Variants in GPC3 observed in about 807,000 individuals in gnomAD.
GPC3 encodes the protein glypican-3.
GPC3 carries 3 observed loss-of-function variants against 34.4 expected under a neutral mutation model. The observed-to-expected ratio is 0.09, with a 90% CI of 0.04 to 0.23. The LOEUF (loss-of-function observed/expected upper bound fraction) is 0.23. GPC3 is among the 10% of genes least tolerant of loss of function. GPC3 has a pLI of 1.00. For synonymous variants in GPC3, 177 were observed against 174.0 expected (o/e 1.02, Z -0.13); for missense variants, 351 against 445.6 (o/e 0.79, Z 1.91).
At chrX:133,888,951 AT>A (rs370232594) in intron 2 of GPC3, among the ~76,000 whole-genome samples, 19 of 112,314 alleles carry the variant, frequency 1.7e-4, no homozygotes, top group African/African-American at 5.2e-4. Context: ...AATGAACTGA[AT>A]TTGTGTGTAC....
At chrX:133,910,737 G>C (rs550098505) in intron 2 of GPC3, among the ~76,000 whole-genome samples, 4 of 112,270 alleles carry the variant, frequency 3.6e-5, no homozygotes, top group African/African-American at 1.3e-4. Context: ...AATTTATGGG[G>C]AAAGCTAGTT....
In GPC3 at chrX:133,923,131, T is replaced by TACAC. The variant is rs375148219; in HGVS notation, c.337+29915_337+29918dup. 8.2e-3 allele frequency among the ~76,000 whole-genome samples: 880 copies of TACAC among 107,853 alleles called. 14 individuals are homozygous for TACAC. The highest frequency in any genetic ancestry group is 0.028 in the African/African-American group (842 of 29,784). The allele number at this position is 107,853 out of a possible 115,157, so 93.7% of individuals were successfully genotyped here. ...CCCTTTACCAACACATACACGCGTGTACACACACACACACACACACAGCAT... is the reference window on the plus strand; with the variant it reads ...CCCTTTACCAACACATACACGCGTGTACACACACACACACACACACACACAGCAT... On this transcript the variant is annotated intron_variant, in intron 2 of 7. Transcript: ENST00000370818.
chrX:133,826,197 A>AGG (rs1385560446), intron 2 of GPC3, among the ~76,000 whole-genome samples: 1 of 111,960 alleles, frequency 8.9e-6, no homozygotes, highest in Non-Finnish European at 1.9e-5. Flanking sequence ...ACTGTTCCTG[A>AGG]GTATGCACAG....
At chrX:133,966,634 C>T (rs1369366692) in intron 1 of GPC3, among the ~76,000 whole-genome samples, 1 of 112,398 alleles carries the variant, frequency 8.9e-6, no homozygotes, top group African/African-American at 3.2e-5. Flanking sequence ...GTACAACATA[C>T]ACACTGCACC....
chrX:133,753,812 A>T lies in GPC3; in HGVS notation c.702T>A (p.Asn234Lys). The T allele has an allele frequency of 8.3e-7, 1 of 1,211,556 alleles. No homozygotes were observed. The highest frequency in any genetic ancestry group is 1.1e-6 in the Non-Finnish European group (1 of 895,215). ...QVTRIFLQAL[N>K]LGIEVINTTD... Reference sequence around the variant, plus strand: ...TTGTGTTGATCACTTCAATTCCAAGATTCAGAGCCTGAAGGAAGATCCTAG... The same window carrying T: ...TTGTGTTGATCACTTCAATTCCAAGTTTCAGAGCCTGAAGGAAGATCCTAG... Residue 234 changes from asparagine (N) to lysine (K), a missense_variant, in exon 3 of 8, where the codon AAT becomes AAA. Asn to Lys is a moderately conservative substitution (Grantham distance 94). Transcript: ENST00000370818.
intron 2 of GPC3, among the ~76,000 whole-genome samples, chrX:133,869,411 C>G (rs1276093724): frequency 8.9e-6 from 1 of 111,910 alleles, no homozygotes; most frequent in Non-Finnish European, 1.9e-5. Context: ...CACCCAGAAT[C>G]TAGTGCTAAC....
At chrX:133,787,958 G>A (rs2072118790) in intron 2 of GPC3, among the ~76,000 whole-genome samples, 1 of 107,788 alleles carries the variant, frequency 9.3e-6, no homozygotes, top group African/African-American at 3.4e-5. Flanking sequence ...AGTGATTAAG[G>A]CTTTCCTTAA....
At chrX:133,584,467 G>A (rs1288229935) in intron 7 of GPC3, among the ~76,000 whole-genome samples, 1 of 111,776 alleles carries the variant, frequency 8.9e-6, no homozygotes, top group East Asian at 2.8e-4. Context: ...TTGTAGAATA[G>A]CCTCTACTCC....
In GPC3 at chrX:133,536,165, T is replaced by C. The variant is rs1277140205; in HGVS notation, c.1702A>G (p.Met568Val). Residue 568 changes from methionine to valine, a missense_variant, in exon 8 of 8, where the codon ATG (methionine) becomes GTG (valine). Coordinates refer to ENST00000370818, the MANE Select transcript of GPC3 (RefSeq NM_004484.4). Reference protein sequence around the residue: ...VHSPLKLLTSMAISVVCFFFL... With the variant: ...VHSPLKLLTSVAISVVCFFFL... ...AAGAAGCACACCACCGAGATGGCCA[T>C]GCTGGTGAGAAGCTTCAGCGGGGAA... is the stretch of plus-strand genomic sequence containing the variant. 5.0e-6 allele frequency: 6 copies of C among 1,207,097 alleles called. No individual in the cohort carries two copies. Among genetic ancestry groups the C allele is most frequent in the Non-Finnish European group, 6.7e-6 (6 of 892,603 alleles).
intron 3 of GPC3, among the ~76,000 whole-genome samples, chrX:133,749,031 G>A (rs1281769742): frequency 1.8e-5 from 2 of 111,871 alleles, no homozygotes; most frequent in Non-Finnish European, 3.8e-5. Context: ...GCTGAGGCAG[G>A]TGGATTGCTT....
At chrX:133,559,961 CT>C (rs1446276828) in intron 7 of GPC3, among the ~76,000 whole-genome samples, 1 of 110,979 alleles carries the variant, frequency 9.0e-6, no homozygotes, top group Admixed American at 9.6e-5. Context: ...TCTCTCTAAT[CT>C]TTATTGTTTG....
At chrX:133,933,513 A>G (rs1174457592) in intron 2 of GPC3, among the ~76,000 whole-genome samples, 1 of 110,849 alleles carries the variant, frequency 9.0e-6, no homozygotes, top group Non-Finnish European at 1.9e-5. Flanking sequence ...GGCCTTTGCT[A>G]TAGTTTGGAT....
chrX:133,618,119 G>T (rs1306988228), intron 6 of GPC3, among the ~76,000 whole-genome samples: 2 of 111,811 alleles, frequency 1.8e-5, no homozygotes, highest in Non-Finnish European at 3.8e-5. Flanking sequence ...AATAAATTTT[G>T]CTATGATTAG....
intron 2 of GPC3, among the ~76,000 whole-genome samples, chrX:133,800,765 A>C (rs1447829716): frequency 1.8e-5 from 2 of 111,748 alleles, no homozygotes; most frequent in Non-Finnish European, 3.8e-5. Flanking sequence ...TTTGAGAAAA[A>C]AACAGTGCCA....
chrX:133,809,419 AG>A (rs2075653328), intron 2 of GPC3, among the ~76,000 whole-genome samples: 1 of 111,346 alleles, frequency 9.0e-6, no homozygotes, highest in South Asian at 3.8e-4. Context: ...GAAGAAGAAA[AG>A]CAGGGAGGAC....
intron 2 of GPC3, among the ~76,000 whole-genome samples, chrX:133,838,010 C>T (rs2075807422): frequency 8.9e-6 from 1 of 111,971 alleles, no homozygotes; most frequent in Non-Finnish European, 1.9e-5. Flanking sequence ...GATGTTACTT[C>T]CACTCCAAAA....
intron 6 of GPC3, among the ~76,000 whole-genome samples, chrX:133,653,627 C>T (rs1488052847): frequency 1.8e-5 from 2 of 111,609 alleles, no homozygotes; most frequent in Admixed American, 9.6e-5. Context: ...GAGACCTCCC[C>T]ACCCGGTGCA....
At chrX:133,890,267 C>T (rs1410982738) in intron 2 of GPC3, among the ~76,000 whole-genome samples, 2 of 111,323 alleles carry the variant, frequency 1.8e-5, no homozygotes, top group Non-Finnish European at 3.8e-5. Flanking sequence ...ATGCTGGAGA[C>T]TGTGGTTATT....
intron 2 of GPC3, among the ~76,000 whole-genome samples, chrX:133,926,783 T>TCCCCCCCCC (rs2076276525): frequency 7.4e-5 from 3 of 40,489 alleles, no homozygotes; most frequent in African/African-American, 1.7e-4. Context: ...CCGTCCCCCC[T>TCCCCCCCCC]CCGCCCCCCT....
Sources: gnomAD v4.1 joint callset for allele counts (sites outside exome capture counted in the v4.1 genomes callset) on GRCh38, gnomAD v4.1.1 for gene constraint, MANE v1.5 for transcripts, NCBI Gene and HGNC (gene_info 2026-07-23, HGNC 2026-07-21) for gene names.